Variants in SOX6 observed in about 807,000 individuals in gnomAD.
SOX6 encodes the protein SRY-box transcription factor 6.
A neutral mutation model predicts 97.8 loss-of-function variants in SOX6; 11 were observed. The observed-to-expected ratio is 0.11, with a 90% CI of 0.07 to 0.19. The LOEUF (loss-of-function observed/expected upper bound fraction) is 0.19. Among genes scored for constraint, SOX6 ranks in the 10% least tolerant of loss-of-function variants. The pLI is 1.00. For missense variants in SOX6, 810 were observed against 1,039.5 expected, an observed-to-expected ratio of 0.78 and a Z score of 3.04; for synonymous variants, 360 against 371.4, an observed-to-expected ratio of 0.97 and a Z score of 0.35.
intron 1 of SOX6, among the ~76,000 whole-genome samples, chr11:16,467,736 A>T (rs1860068695): frequency 6.6e-6 from 1 of 152,164 alleles, no homozygotes; most frequent in African/African-American, 2.4e-5. Flanking sequence ...AACCCTCATG[A>T]CACAAGTTTA....
intron 9 of SOX6, among the ~76,000 whole-genome samples, chr11:16,057,415 C>T (rs1294792623): frequency 6.6e-6 from 1 of 152,068 alleles, no homozygotes; most frequent in Non-Finnish European, 1.5e-5. Context: ...GTAACTATCA[C>T]TAATTCTCAA....
chr11:16,465,022 ATC>A (rs772752317), intron 1 of SOX6, among the ~76,000 whole-genome samples: 1 of 152,184 alleles, frequency 6.6e-6, no homozygotes, highest in Non-Finnish European at 1.5e-5. Flanking sequence ...TGTTTAACTT[ATC>A]TCTCTGCCTT....
intron 5 of SOX6, 102 bp downstream of exon 5, chr11:16,186,681 T>C: frequency 4.5e-6 from 6 of 1,345,496 alleles, no homozygotes; most frequent in Non-Finnish European, 6.2e-6. Flanking sequence ...TTATTTTTAT[T>C]TTTTAGGAAA....
intron 2 of SOX6, among the ~76,000 whole-genome samples, chr11:16,335,676 C>T: frequency 6.6e-6 from 1 of 152,120 alleles, no homozygotes; most frequent in East Asian, 1.9e-4. Context: ...AAGATTAGAT[C>T]CTCACTAAAA....
chr11:16,562,445 C>G (rs903757582), intron 4 of SOX6, among the ~76,000 whole-genome samples: 1 of 152,106 alleles, frequency 6.6e-6, no homozygotes, highest in African/African-American at 2.4e-5. Flanking sequence ...TCCCAAGGAC[C>G]AGGAAAGAGG....
intron 2 of SOX6, among the ~76,000 whole-genome samples, chr11:16,724,665 C>T (rs939166881): frequency 5.3e-5 from 8 of 152,166 alleles, no homozygotes; most frequent in Non-Finnish European, 7.3e-5. Context: ...TGCCCATTAA[C>T]GTTTGGGAAC....
At chr11:16,694,357 G>A (rs2134037689) in intron 3 of SOX6, among the ~76,000 whole-genome samples, 1 of 152,132 alleles carries the variant, frequency 6.6e-6, no homozygotes, top group Admixed American at 6.5e-5. Context: ...GAGAGACTGT[G>A]CCACTACAGA....
intron 9 of SOX6, among the ~76,000 whole-genome samples, chr11:16,066,518 T>C (rs753469346): frequency 1.3e-5 from 2 of 152,190 alleles, no homozygotes; most frequent in Admixed American, 6.5e-5. Flanking sequence ...CATCAACAGA[T>C]GAATGAGTAA....
chr11:15,988,442 TA>T (rs1853935158), intron 14 of SOX6, among the ~76,000 whole-genome samples: 1 of 152,240 alleles, frequency 6.6e-6, no homozygotes. Context: ...CTTATTAAAA[TA>T]ATTGTAGATT....
intron 1 of SOX6, among the ~76,000 whole-genome samples, chr11:16,415,023 A>C (rs1229222959): frequency 6.6e-6 from 1 of 152,174 alleles, no homozygotes; most frequent in East Asian, 1.9e-4. Flanking sequence ...GGAACTCTTC[A>C]AATACATCTG....
At chr11:16,659,499 G>C (rs1052061419) in intron 3 of SOX6, among the ~76,000 whole-genome samples, 3 of 152,052 alleles carry the variant, frequency 2.0e-5, no homozygotes, top group Non-Finnish European at 4.4e-5. Flanking sequence ...TCAATAATGT[G>C]TTAGCTATTC....
At chr11:16,622,059 T>C (rs934080247) in intron 3 of SOX6, among the ~76,000 whole-genome samples, 1 of 152,186 alleles carries the variant, frequency 6.6e-6, no homozygotes, top group Non-Finnish European at 1.5e-5. Context: ...GATTTTACTT[T>C]TCTTAAAGTA....
At chr11:16,515,991 A>G in intron 4 of SOX6, among the ~76,000 whole-genome samples, 1 of 151,906 alleles carries the variant, frequency 6.6e-6, no homozygotes, top group African/African-American at 2.4e-5. Context: ...TGATGCCTCC[A>G]GCTTTGTTCT....
intron 1 of SOX6, among the ~76,000 whole-genome samples, chr11:16,416,466 T>C (rs548937755): frequency 3.3e-5 from 5 of 152,334 alleles, no homozygotes; most frequent in East Asian, 1.9e-4. Context: ...TTTGGAAAAC[T>C]GAATACTACC....
chr11:16,208,767 T>G (rs1377191387), intron 4 of SOX6, among the ~76,000 whole-genome samples: 1 of 152,196 alleles, frequency 6.6e-6, no homozygotes, highest in African/African-American at 2.4e-5. Context: ...AACTCAGAGA[T>G]ATAACATCTT....
chr11:16,089,922 G>A (rs988121446), intron 9 of SOX6, among the ~76,000 whole-genome samples: 1 of 152,020 alleles, frequency 6.6e-6, no homozygotes, highest in Non-Finnish European at 1.5e-5. Context: ...ATGCTAGAAT[G>A]TTTTGCTTTC....
chr11:16,676,292 G>A (rs1474306445), intron 3 of SOX6, among the ~76,000 whole-genome samples: 1 of 152,020 alleles, frequency 6.6e-6, no homozygotes, highest in Non-Finnish European at 1.5e-5. Context: ...TTCACTATTT[G>A]GTGAGACATC....
intron 4 of SOX6, among the ~76,000 whole-genome samples, chr11:16,200,682 T>C (rs908530313): frequency 1.3e-5 from 2 of 152,250 alleles, no homozygotes; most frequent in Non-Finnish European, 2.9e-5. Context: ...AAAATCTACT[T>C]GATCACCTTT....
chr11:16,167,984 C>G (rs1460955897), intron 6 of SOX6, among the ~76,000 whole-genome samples: 1 of 152,128 alleles, frequency 6.6e-6, no homozygotes, highest in African/African-American at 2.4e-5. Flanking sequence ...AGAAACATAA[C>G]AACTGCTTAA....
Sources: allele counts gnomAD v4.1 joint callset (sites outside exome capture counted in the v4.1 genomes callset), GRCh38; gene constraint gnomAD v4.1.1; transcripts MANE v1.5; gene names NCBI Gene and HGNC (gene_info 2026-07-23, HGNC 2026-07-21).